The following MGAT5 variants were observed in gnomAD, a reference collection of about 807,000 sequenced individuals.
MGAT5 encodes the protein alpha-1,6-mannosylglycoprotein 6-beta-N-acetylglucosaminyltransferase A.
Under a neutral mutation model 94.3 loss-of-function variants are expected in MGAT5, and 30 were observed. That is an observed-to-expected ratio of 0.32 (90% CI 0.24 to 0.43). The LOEUF is 0.43. MGAT5 is among the 20% of genes least tolerant of loss of function. MGAT5 has a pLI of 1.00. For synonymous variants in MGAT5, 310 were observed against 322.9 expected, an observed-to-expected ratio of 0.96 and a Z score of 0.43; for missense variants, 691 against 905.5, an observed-to-expected ratio of 0.76 and a Z score of 3.04.
Position 134,338,401 on chromosome 2 carries a change from A to G in MGAT5, c.788A>G (p.Glu263Gly). The change falls in exon 6 of 16, where the codon GAA (glutamate) becomes GGA (glycine). Residue 263 changes from glutamate to glycine, a missense_variant. Transcript: ENST00000281923. ...IKSLAEKQNL[E>G]KRKRKKVLVH... is the part of the protein sequence containing the mutation. ...TCCCTGGCAGAAAAGCAGAACCTTG[A>G]AAAGAGAAAGCGGAAGAAAGTGAGT... The G allele has an allele frequency of 6.2e-7, 1 of 1,604,912 alleles. No homozygotes were observed.
At chr2:134,132,810 G>A (rs1686235538) in intron 1 of MGAT5, among the ~76,000 whole-genome samples, 1 of 152,256 alleles carries the variant, frequency 6.6e-6, no homozygotes, top group African/African-American at 2.4e-5. Context: ...AGAAATGACA[G>A]TGAACACATG....
chr2:134,419,173 T>C (rs1684141474), intron 12 of MGAT5, among the ~76,000 whole-genome samples: 1 of 152,256 alleles, frequency 6.6e-6, no homozygotes, highest in Non-Finnish European at 1.5e-5. Flanking sequence ...TGCATACATG[T>C]CTCTTTGCCT....
chr2:134,310,110 A>G lies in MGAT5; in HGVS notation c.407-7419A>G, dbSNP rs183085080. On this transcript the variant is annotated intron_variant, in intron 2 of 15. Transcript: ENST00000281923. ...TCTTGTTGAGTTCCATTATGTCCAT[A>G]GTATTTGTACACAGGCAGTACTGTA... Among the ~76,000 whole-genome samples, 197 of 152,314 alleles carry G rather than the reference A, an allele frequency of 1.3e-3. 2 individuals carry two copies. Among genetic ancestry groups the G allele is most frequent in the African/African-American group, 4.5e-3 (187 of 41,574 alleles).
chr2:134,422,814 G>A lies in MGAT5; in HGVS notation c.1689G>A (p.Gln563=). 1 of 1,613,674 alleles carries A rather than the reference G, an allele frequency of 6.2e-7. No homozygotes were observed. The highest frequency in any genetic ancestry group is 8.5e-7 in the Non-Finnish European group (1 of 1,179,654). ...CGGTTCTTTTCCAGCTGACATCCCAGCATCCTTACGCTGAAGTTTTCATCG... is the reference window on the plus strand; with the variant it reads ...CGGTTCTTTTCCAGCTGACATCCCAACATCCTTACGCTGAAGTTTTCATCG... ...GKPTLRELTS[Q]HPYAEVFIGR... The change falls in exon 13 of 16, where the codon CAG becomes CAA. Residue 563 remains glutamine (Q), a synonymous_variant. Coordinates refer to ENST00000281923, the MANE Select transcript of MGAT5 (RefSeq NM_002410.5).
chr2:134,185,075 G>A (rs1688938464), intron 1 of MGAT5, among the ~76,000 whole-genome samples: 1 of 152,090 alleles, frequency 6.6e-6, no homozygotes, highest in Admixed American at 6.5e-5. Flanking sequence ...ACTTATAAGT[G>A]GGAACTAAGC....
chr2:134,218,344 C>T (rs1416874885), intron 1 of MGAT5, among the ~76,000 whole-genome samples: 1 of 152,204 alleles, frequency 6.6e-6, no homozygotes, highest in Non-Finnish European at 1.5e-5. Context: ...TTAACTGTTA[C>T]CACATGACAC....
chr2:134,382,264 T>A (rs2106209120), intron 10 of MGAT5, among the ~76,000 whole-genome samples: 1 of 151,174 alleles, frequency 6.6e-6, no homozygotes, highest in Non-Finnish European at 1.5e-5. Context: ...AAAAAAAAAA[T>A]AAAGTCCTAG....
chr2:134,427,121 A>G (rs780039467), intron 13 of MGAT5, among the ~76,000 whole-genome samples: 1 of 152,086 alleles, frequency 6.6e-6, no homozygotes, highest in Non-Finnish European at 1.5e-5. Flanking sequence ...CAACTAAGGA[A>G]TGTTATTTCT....
chr2:134,422,970 T>C lies in MGAT5; in HGVS notation c.1794+51T>C, dbSNP rs767147576. ...CTCCTTTCTAATGTGACCTGAAATG[T>C]GTATAAAACACATCATAGGTCCTTG... On this transcript the variant is annotated intron_variant, in intron 13 of 15. Coordinates refer to ENST00000281923, the MANE Select transcript of MGAT5 (RefSeq NM_002410.5). 11 of 1,334,794 alleles carry C rather than the reference T, an allele frequency of 8.2e-6. No individual in the cohort carries two copies. The South Asian group carries it at 1.3e-4, about 16-fold the overall frequency. 82.7% of individuals were successfully genotyped at this position (1,334,794 alleles called of 1,614,324 possible).
chr2:134,400,706 A>G (rs560471844), intron 10 of MGAT5, among the ~76,000 whole-genome samples: 5 of 152,186 alleles, frequency 3.3e-5, no homozygotes, highest in Admixed American at 6.6e-5. Flanking sequence ...CCACAGACAT[A>G]GCCTAGGGGC....
At chr2:134,156,115 C>G (rs1292866444) in intron 1 of MGAT5, among the ~76,000 whole-genome samples, 1 of 152,174 alleles carries the variant, frequency 6.6e-6, no homozygotes, top group Non-Finnish European at 1.5e-5. Flanking sequence ...TCTACTGCTC[C>G]CTAACTGTGA....
intron 1 of MGAT5, among the ~76,000 whole-genome samples, chr2:134,145,214 C>CTCTCTCTGTGTGTGTGTGTGTGTGTG (rs373377770): frequency 4.2e-5 from 6 of 143,762 alleles, no homozygotes; most frequent in African/African-American, 1.6e-4. Flanking sequence ...GTCTCTCTCT[C>CTCTCTCTGTGTGTGTGTGTGTGTGTG]TGTGTGTGTG....
intron 4 of MGAT5, among the ~76,000 whole-genome samples, chr2:134,335,812 A>G (rs564725569): frequency 6.6e-6 from 1 of 152,238 alleles, no homozygotes; most frequent in African/African-American, 2.4e-5. Context: ...GCCACAGCAG[A>G]TAAGGATCTT....
chr2:134,207,624 G>T (rs1168523945), intron 1 of MGAT5, among the ~76,000 whole-genome samples: 1 of 151,874 alleles, frequency 6.6e-6, no homozygotes, highest in Non-Finnish European at 1.5e-5. Context: ...GATACTGATC[G>T]TTTACTTCTG....
At chr2:134,132,961 C>T (rs1202254470) in intron 1 of MGAT5, among the ~76,000 whole-genome samples, 5 of 145,928 alleles carry the variant, frequency 3.4e-5, no homozygotes, top group Non-Finnish European at 2.9e-5. Context: ...AGTGTTATGC[C>T]CCCCCTTCTT....
At chr2:134,297,304 T>C (rs1463135738) in intron 2 of MGAT5, among the ~76,000 whole-genome samples, 1 of 152,024 alleles carries the variant, frequency 6.6e-6, no homozygotes, top group Non-Finnish European at 1.5e-5. Context: ...ATGGCTTCAC[T>C]GGTGAATTCT....
chr2:134,225,438 A>G (rs1236765517), intron 1 of MGAT5, among the ~76,000 whole-genome samples: 2 of 152,222 alleles, frequency 1.3e-5, no homozygotes, highest in African/African-American at 4.8e-5. Flanking sequence ...TGGTGGCCAC[A>G]TCTTAGAGGG....
At chr2:134,282,014 G>A (rs935026855) in intron 2 of MGAT5, among the ~76,000 whole-genome samples, 1 of 152,238 alleles carries the variant, frequency 6.6e-6, no homozygotes, top group Admixed American at 6.5e-5. Flanking sequence ...TTTCTCATCA[G>A]TGGTTCACAG....
At chr2:134,425,474 A>G (rs3791312) in intron 13 of MGAT5, among the ~76,000 whole-genome samples, 25,875 of 151,552 alleles carry the variant, frequency 0.17, 2,526 homozygotes, top group African/African-American at 0.26. Flanking sequence ...TATAAGTATG[A>G]TGGGAAGTTT....
Sources: allele counts gnomAD v4.1 joint callset (sites outside exome capture counted in the v4.1 genomes callset), GRCh38; gene constraint gnomAD v4.1.1; transcripts MANE v1.5; gene names NCBI Gene and HGNC (gene_info 2026-07-23, HGNC 2026-07-21).